Variants in SRGAP1 observed in about 807,000 individuals in gnomAD.
SRGAP1 encodes SLIT-ROBO Rho GTPase-activating protein 1.
Under a neutral mutation model 121.9 loss-of-function variants are expected in SRGAP1, and 43 were observed. The ratio of observed to expected loss-of-function variants is 0.35; its 90% CI spans 0.28 to 0.46. The LOEUF (loss-of-function observed/expected upper bound fraction) is 0.46, where lower values mean the gene tolerates loss of function less well. Ranked by LOEUF, SRGAP1 falls within the 20% of genes least tolerant of loss-of-function variation. The pLI, the probability that SRGAP1 is intolerant of heterozygous loss-of-function variation, is 1.00. For missense variants in SRGAP1, 1,102 were observed against 1,350.9 expected (o/e 0.82, Z 2.89); for synonymous variants, 447 against 485.4 (o/e 0.92, Z 1.04).
chr12:63,851,804 C>G (rs906454309), intron 1 of SRGAP1, among the ~76,000 whole-genome samples: 1 of 151,708 alleles, frequency 6.6e-6, no homozygotes, highest in African/African-American at 2.4e-5. Flanking sequence ...TGACCTCAAG[C>G]AATCCACCTG....
chr12:63,968,494 G>T (rs113410170), intron 1 of SRGAP1, among the ~76,000 whole-genome samples: 7 of 152,118 alleles, frequency 4.6e-5, no homozygotes, highest in Admixed American at 3.9e-4. Context: ...TGTAACCATG[G>T]TCATTACCGT....
intron 3 of SRGAP1, among the ~76,000 whole-genome samples, chr12:63,995,766 T>C (rs2033680539): frequency 6.6e-6 from 1 of 152,120 alleles, no homozygotes; most frequent in Non-Finnish European, 1.5e-5. Flanking sequence ...CTTTAGGTAT[T>C]GCTGATTGTG....
chr12:64,092,828 A>AT (rs1225046556), intron 12 of SRGAP1, among the ~76,000 whole-genome samples: 1 of 152,194 alleles, frequency 6.6e-6, no homozygotes, highest in East Asian at 1.9e-4. Flanking sequence ...ATTCTGTTGT[A>AT]TTTGATAATA....
intron 1 of SRGAP1, among the ~76,000 whole-genome samples, chr12:63,921,704 C>G (rs2031053181): frequency 6.6e-6 from 1 of 152,154 alleles, no homozygotes; most frequent in Admixed American, 6.5e-5. Flanking sequence ...TGCTTAAGCC[C>G]AGGAGTCTGA....
intron 20 of SRGAP1, 32 bp downstream of exon 20, chr12:64,127,756 C>G: frequency 6.2e-7 from 1 of 1,611,158 alleles, no homozygotes. Context: ...GGCCCCTAAG[C>G]CTCCGCTCCT....
intron 1 of SRGAP1, among the ~76,000 whole-genome samples, chr12:63,934,586 A>C (rs2031595104): frequency 6.6e-6 from 1 of 152,020 alleles, no homozygotes. Context: ...TTATTATTTC[A>C]AGCTTATGTT....
chr12:63,950,764 C>T (rs981690406), intron 1 of SRGAP1, among the ~76,000 whole-genome samples: 1 of 152,116 alleles, frequency 6.6e-6, no homozygotes, highest in Non-Finnish European at 1.5e-5. Flanking sequence ...GGAGCAGAAA[C>T]ATTTGAGATG....
chr12:64,150,125 C>T lies in SRGAP1; in HGVS notation c.*7453C>T, dbSNP rs1259248635. 1 of 149,244 alleles carries T rather than the reference C, an allele frequency of 6.7e-6. No homozygotes were observed. Among genetic ancestry groups the T allele is most frequent in the Non-Finnish European group, 1.5e-5 (1 of 67,784 alleles). The allele number at this position is 149,244 out of a possible 1,614,324, so 9.2% of individuals were successfully genotyped here. A position where few individuals can be genotyped will look rare whatever the true frequency, so the allele number is the denominator to read the frequency against. Reference sequence around the variant, plus strand: ...AATGGGACTGGGCTGGATATCAACACATGTGCTTGTGTGCATGTGCACGTG... The same window carrying T: ...AATGGGACTGGGCTGGATATCAACATATGTGCTTGTGTGCATGTGCACGTG... On this transcript the variant is annotated 3_prime_UTR_variant, in exon 22 of 22. Transcript: ENST00000355086.
At chr12:64,017,043 A>G in intron 4 of SRGAP1, 31 bp downstream of exon 4, 1 of 1,299,234 alleles carries the variant, frequency 7.7e-7, no homozygotes. Flanking sequence ...CTTTTCTAGA[A>G]TCCTTGGGTT....
At chr12:63,940,437 A>G (rs1187942615) in intron 1 of SRGAP1, among the ~76,000 whole-genome samples, 2 of 148,742 alleles carry the variant, frequency 1.3e-5, no homozygotes, top group Non-Finnish European at 3.0e-5. Context: ...CAGAATAGCT[A>G]TGATCAAGGA....
At chr12:64,085,935 A>G (rs2035928527) in intron 10 of SRGAP1, among the ~76,000 whole-genome samples, 1 of 152,176 alleles carries the variant, frequency 6.6e-6, no homozygotes, top group South Asian at 2.1e-4. Context: ...GTTTCACCCT[A>G]TTTAATCAAT....
At chr12:64,019,672 A>G (rs1263181074) in intron 4 of SRGAP1, among the ~76,000 whole-genome samples, 1 of 152,150 alleles carries the variant, frequency 6.6e-6, no homozygotes, top group Non-Finnish European at 1.5e-5. Flanking sequence ...AATCAAATCT[A>G]TCCATTATAT....
At chr12:64,104,954 C>G (rs2036319463) in intron 15 of SRGAP1, among the ~76,000 whole-genome samples, 2 of 151,878 alleles carry the variant, frequency 1.3e-5, no homozygotes, top group Admixed American at 6.6e-5. Flanking sequence ...TTTAAGTGTA[C>G]AGTTCGGTGG....
chr12:63,873,543 A>G (rs549647451), intron 1 of SRGAP1, among the ~76,000 whole-genome samples: 4 of 151,986 alleles, frequency 2.6e-5, no homozygotes, highest in Admixed American at 6.5e-5. Flanking sequence ...CAAAAAAAAA[A>G]AAAAGAAAAG....
chr12:64,041,496 C>T (rs7980061), intron 4 of SRGAP1, among the ~76,000 whole-genome samples: 35,630 of 151,318 alleles, frequency 0.24, 4,474 homozygotes, highest in Non-Finnish European at 0.28. Flanking sequence ...CCAATCCCCT[C>T]GCCCCAGCCT....
At chr12:63,887,555 G>A (rs997439228) in intron 1 of SRGAP1, 1 of 152,152 alleles carries the variant, frequency 6.6e-6, no homozygotes, top group Non-Finnish European at 1.5e-5. Flanking sequence ...CATTTCCCAG[G>A]GGCCATTTGC....
At chr12:64,095,059 T>C (rs749991141) in intron 13 of SRGAP1, 67 bp downstream of exon 13, 331 of 1,609,686 alleles carry the variant, frequency 2.1e-4, no homozygotes, top group Non-Finnish European at 2.4e-4. Context: ...TAAATTTACT[T>C]CCTGGGAAAA....
intron 3 of SRGAP1, among the ~76,000 whole-genome samples, chr12:64,008,851 A>C (rs983708624): frequency 1.3e-5 from 2 of 152,138 alleles, no homozygotes; most frequent in African/African-American, 4.8e-5. Context: ...CTTAGTCCCT[A>C]GGTTTTTCTT....
chr12:64,062,856 A>G, intron 6 of SRGAP1, 61 bp from the exon 7 acceptor site: 8 of 1,356,586 alleles, frequency 5.9e-6, no homozygotes, highest in East Asian at 2.4e-5. Flanking sequence ...TAGGTCTCAC[A>G]TTTTTGTCTT....
Sources: gnomAD v4.1 joint callset for allele counts (sites outside exome capture counted in the v4.1 genomes callset) on GRCh38, gnomAD v4.1.1 for gene constraint, MANE v1.5 for transcripts, NCBI Gene and HGNC (gene_info 2026-07-23, HGNC 2026-07-21) for gene names.